EPHB1: variants seen among roughly 807,000 people sequenced by gnomAD.
EPHB1 encodes the protein EPH receptor B1, also known as ephrin type-B receptor 1.
A neutral mutation model predicts 94.4 loss-of-function variants in EPHB1; 30 were observed. The ratio of observed to expected loss-of-function variants is 0.32; its 90% CI spans 0.24 to 0.43. The LOEUF is 0.43. EPHB1 is among the 20% of genes least tolerant of loss of function. EPHB1 has a pLI of 1.00. For missense variants in EPHB1, 1,055 were observed against 1,308.3 expected, an observed-to-expected ratio of 0.81 and a Z score of 2.99; for synonymous variants, 522 against 489.1, an observed-to-expected ratio of 1.07 and a Z score of -0.89.
intron 15 of EPHB1, among the ~76,000 whole-genome samples, chr3:135,258,516 A>T (rs1423546315): frequency 6.6e-6 from 1 of 152,194 alleles, no homozygotes; most frequent in Non-Finnish European, 1.5e-5. Flanking sequence ...ACTCTTCTTA[A>T]AAATGCATAC....
intron 9 of EPHB1, among the ~76,000 whole-genome samples, chr3:135,178,075 A>T (rs1221703248): frequency 6.6e-6 from 1 of 152,100 alleles, no homozygotes; most frequent in Non-Finnish European, 1.5e-5. Context: ...GGTGTGAACA[A>T]CCCTAAAACA....
In EPHB1 at chr3:134,985,784, C is replaced by T. The variant is rs553292922; in HGVS notation, c.805+33732C>T. On this transcript the variant is annotated intron_variant, in intron 3 of 15. Coordinates refer to ENST00000398015, the MANE Select transcript of EPHB1 (RefSeq NM_004441.5). ...TTTAGTTCACTGAGGCTCCTTTCTT[C>T]CAAAAACATCTGCCTCCACCTAGAT... Among the ~76,000 whole-genome samples the T allele has an allele frequency of 1.1e-4, 17 of 152,226 alleles. No homozygotes were observed. The East Asian group carries it at 3.3e-3, about 29-fold the overall frequency.
intron 1 of EPHB1, among the ~76,000 whole-genome samples, chr3:134,870,797 G>C (rs770600610): frequency 2.0e-5 from 3 of 152,240 alleles, no homozygotes; most frequent in Non-Finnish European, 4.4e-5. Flanking sequence ...CCAGTACAGA[G>C]TAAGTACTTA....
At chr3:135,217,106 C>A (rs1487360625) in intron 12 of EPHB1, among the ~76,000 whole-genome samples, 1 of 152,124 alleles carries the variant, frequency 6.6e-6, no homozygotes, top group Non-Finnish European at 1.5e-5. Flanking sequence ...TTCCCTTCCT[C>A]CTGCCAGGCC....
intron 9 of EPHB1, among the ~76,000 whole-genome samples, chr3:135,179,478 A>C (rs1942090603): frequency 6.6e-6 from 1 of 152,298 alleles, no homozygotes; most frequent in South Asian, 2.1e-4. Flanking sequence ...ATAAATATTG[A>C]TATCTACCCT....
At chr3:134,920,243 A>G (rs1396689393) in intron 1 of EPHB1, among the ~76,000 whole-genome samples, 1 of 152,070 alleles carries the variant, frequency 6.6e-6, no homozygotes, top group Non-Finnish European at 1.5e-5. Flanking sequence ...ACCCCTTTTT[A>G]CCACCTTGCA....
At chr3:134,927,942 G>A (rs2038825291) in intron 2 of EPHB1, among the ~76,000 whole-genome samples, 1 of 152,238 alleles carries the variant, frequency 6.6e-6, no homozygotes, top group Admixed American at 6.5e-5. Context: ...GGAGGATCAA[G>A]GACTATGCTT....
chr3:134,884,887 A>G (rs1169736495), intron 1 of EPHB1, among the ~76,000 whole-genome samples: 1 of 152,216 alleles, frequency 6.6e-6, no homozygotes, highest in African/African-American at 2.4e-5. Flanking sequence ...ATCAGCAAGC[A>G]TTTATTGAGT....
intron 3 of EPHB1, among the ~76,000 whole-genome samples, chr3:135,013,440 A>G (rs112780448): frequency 5.8e-4 from 89 of 152,318 alleles, no homozygotes; most frequent in African/African-American, 2.1e-3. Context: ...GACCTGCTAT[A>G]TCACCACCGC....
intron 1 of EPHB1, among the ~76,000 whole-genome samples, chr3:134,829,058 C>T (rs2036535441): frequency 6.6e-6 from 1 of 152,168 alleles, no homozygotes; most frequent in South Asian, 2.1e-4. Context: ...TGAAGTACTG[C>T]TGTATAAATG....
intron 4 of EPHB1, among the ~76,000 whole-genome samples, chr3:135,121,445 T>C (rs1413386779): frequency 1.3e-5 from 2 of 152,258 alleles, no homozygotes; most frequent in Admixed American, 6.5e-5. Context: ...GTAGAAGTTC[T>C]GTCCTGTAAG....
intron 5 of EPHB1, among the ~76,000 whole-genome samples, chr3:135,141,788 C>T (rs888162996): frequency 2.0e-5 from 3 of 152,132 alleles, no homozygotes; most frequent in Non-Finnish European, 4.4e-5. Context: ...AGGCAGGGCT[C>T]TCAGAGTGGC....
intron 11 of EPHB1, among the ~76,000 whole-genome samples, chr3:135,199,285 C>A (rs1303931960): frequency 6.6e-6 from 1 of 152,184 alleles, no homozygotes; most frequent in Non-Finnish European, 1.5e-5. Context: ...ATAGAAATTG[C>A]ATGACAACTT....
chr3:135,068,864 G>A (rs1288973282), intron 3 of EPHB1, among the ~76,000 whole-genome samples: 4 of 151,286 alleles, frequency 2.6e-5, no homozygotes, highest in Admixed American at 6.6e-5. Flanking sequence ...TAGCCAGGAT[G>A]GTCTCAATCT....
chr3:134,977,370 T>C (rs999356921), intron 3 of EPHB1, among the ~76,000 whole-genome samples: 7 of 152,224 alleles, frequency 4.6e-5, no homozygotes, highest in African/African-American at 1.7e-4. Context: ...TGCATTCCTT[T>C]AATTCTCACT....
At chr3:135,158,001 T>C (rs944081508) in intron 6 of EPHB1, among the ~76,000 whole-genome samples, 1 of 152,204 alleles carries the variant, frequency 6.6e-6, no homozygotes, top group East Asian at 1.9e-4. Context: ...TTTATGATAC[T>C]TCGGTGGTGG....
chr3:134,985,274 C>T (rs1576295153), intron 3 of EPHB1, among the ~76,000 whole-genome samples: 1 of 152,162 alleles, frequency 6.6e-6, no homozygotes, highest in Non-Finnish European at 1.5e-5. Context: ...CTGCCTCAGC[C>T]TCCCGAGTAG....
chr3:135,195,329 T>TTTTA lies in EPHB1; in HGVS notation c.2130+2531_2130+2534dup, dbSNP rs199716460. ...CTGCTCTTCCTAGGGCCTGTTTTCT[T>TTTTA]TTTATTTATTTATTTATTTATTTAT... On this transcript the variant is annotated intron_variant, in intron 11 of 15. Transcript: ENST00000398015. Among the ~76,000 whole-genome samples, 494 of 151,886 alleles carry TTTTA rather than the reference T, an allele frequency of 3.3e-3. 2 individuals carry two copies. Among genetic ancestry groups the TTTTA allele is most frequent in the African/African-American group, 8.8e-3 (362 of 41,298 alleles).
intron 3 of EPHB1, among the ~76,000 whole-genome samples, chr3:135,040,425 C>T (rs1251564671): frequency 6.6e-6 from 1 of 152,184 alleles, no homozygotes; most frequent in Non-Finnish European, 1.5e-5. Flanking sequence ...CCTGGCTTGT[C>T]CTCTTGGGGA....
Sources: gnomAD v4.1 joint callset for allele counts (sites outside exome capture counted in the v4.1 genomes callset) on GRCh38, gnomAD v4.1.1 for gene constraint, MANE v1.5 for transcripts, NCBI Gene and HGNC (gene_info 2026-07-23, HGNC 2026-07-21) for gene names.